The following HNRNPC variants were observed in gnomAD, a reference collection of about 807,000 sequenced individuals.
The protein encoded by HNRNPC is heterogeneous nuclear ribonucleoprotein C.
Under a neutral mutation model 33.2 loss-of-function variants are expected in HNRNPC, and 3 were observed. That is an observed-to-expected ratio of 0.09 (90% CI 0.04 to 0.23). HNRNPC has a LOEUF of 0.23. Ranked by LOEUF, HNRNPC falls within the 10% of genes least tolerant of loss-of-function variation. The probability of loss-of-function intolerance (pLI) is 1.00; values close to 1 mark genes in which losing one functional copy is unlikely to be tolerated. For synonymous variants in HNRNPC, 121 were observed against 126.7 expected (o/e 0.96, Z 0.30); for missense variants, 143 against 366.7 (o/e 0.39, Z 4.98).
chr14:21,248,192 T>C (rs1179933869), intron 2 of HNRNPC, among the ~76,000 whole-genome samples: 1 of 151,914 alleles, frequency 6.6e-6, no homozygotes, highest in Non-Finnish European at 1.5e-5. Flanking sequence ...AAATTAAAAA[T>C]AAAATAACGC....
intron 1 of HNRNPC, among the ~76,000 whole-genome samples, chr14:21,266,350 C>T (rs1457893810): frequency 1.3e-5 from 2 of 152,080 alleles, no homozygotes; most frequent in Non-Finnish European, 2.9e-5. Flanking sequence ...CCACCCGCCT[C>T]AGCCTCCCAA....
At chr14:21,253,803 G>C (rs143335891) in intron 2 of HNRNPC, among the ~76,000 whole-genome samples, 8 of 151,622 alleles carry the variant, frequency 5.3e-5, no homozygotes, top group South Asian at 4.2e-4. Flanking sequence ...CGGTGGCTCA[G>C]GCCTGTAATC....
At chr14:21,266,917 C>T (rs1049739100) in intron 1 of HNRNPC, among the ~76,000 whole-genome samples, 1 of 150,404 alleles carries the variant, frequency 6.6e-6, no homozygotes, top group African/African-American at 2.5e-5. Context: ...ACGGTGAAAC[C>T]CCGTCTCTAC....
intron 2 of HNRNPC, among the ~76,000 whole-genome samples, chr14:21,250,744 C>T (rs1013868578): frequency 2.0e-5 from 3 of 152,132 alleles, no homozygotes; most frequent in Admixed American, 6.5e-5. Context: ...TCTCCACAAA[C>T]ATCAAAAACC....
intron 5 of HNRNPC, among the ~76,000 whole-genome samples, chr14:21,228,016 G>T (rs147574744): frequency 6.6e-6 from 1 of 152,284 alleles, no homozygotes; most frequent in African/African-American, 2.4e-5. Flanking sequence ...AGAAAGCACT[G>T]AAAAATATAC....
At chr14:21,264,501 T>G (rs1566651132) in intron 1 of HNRNPC, 1 of 152,212 alleles carries the variant, frequency 6.6e-6, no homozygotes, top group Admixed American at 6.5e-5. Context: ...ATACTTTTGT[T>G]TCTGTAGTCC....
intron 2 of HNRNPC, chr14:21,254,600 A>C (rs1245885557): frequency 6.6e-6 from 1 of 152,182 alleles, no homozygotes; most frequent in Non-Finnish European, 1.5e-5. Flanking sequence ...ATTCCTTTTC[A>C]AAGGAGTAAT....
intron 2 of HNRNPC, among the ~76,000 whole-genome samples, chr14:21,247,704 C>T (rs1344854197): frequency 6.6e-6 from 1 of 151,628 alleles, no homozygotes. Flanking sequence ...AATCCCAGCA[C>T]TTTGGGAGGT....
chr14:21,260,403 A>G (rs1376044954), intron 2 of HNRNPC, among the ~76,000 whole-genome samples: 1 of 149,942 alleles, frequency 6.7e-6, no homozygotes, highest in Non-Finnish European at 1.5e-5. Context: ...CCTTTATGTG[A>G]TTAAGGTAGA....
chr14:21,217,383 T>C (rs1476261008), intron 5 of HNRNPC, among the ~76,000 whole-genome samples: 1 of 152,196 alleles, frequency 6.6e-6, no homozygotes, highest in Non-Finnish European at 1.5e-5. Flanking sequence ...GCACCACTCA[T>C]TTAAAATATA....
At chr14:21,233,294 CTT>C (rs1894318369) in intron 3 of HNRNPC, among the ~76,000 whole-genome samples, 1 of 152,128 alleles carries the variant, frequency 6.6e-6, no homozygotes, top group Non-Finnish European at 1.5e-5. Flanking sequence ...ACCTACCATG[CTT>C]TGAGTCAATA....
At chr14:21,223,202 T>A (rs1190943013) in intron 5 of HNRNPC, among the ~76,000 whole-genome samples, 1 of 151,958 alleles carries the variant, frequency 6.6e-6, no homozygotes, top group Non-Finnish European at 1.5e-5. Flanking sequence ...TGAGACTCCA[T>A]CTCAAAAAGA....
rs763036820 is a variant in HNRNPC at position 21,211,817 on chromosome 14, T to C, written c.630A>G (p.Lys210=). The change falls in exon 7 of 9, where the codon AAA becomes AAG. Residue 210 remains lysine (K), a synonymous_variant. Coordinates refer to ENST00000553300, the MANE Select transcript of HNRNPC (RefSeq NM_004500.4). ...AGCAGAAAACCCATTTACCTGCTTG[T>C]TTGCTCTGTTCCTTTTCAATTTTTT... ...NLEKIEKEQS[K]QAVEMKNDKS... The C allele has an allele frequency of 2.7e-5, 44 of 1,611,808 alleles. No individual in the cohort carries two copies. The highest frequency in any genetic ancestry group is 3.4e-5 in the Non-Finnish European group (40 of 1,179,470).
chr14:21,214,273 G>C (rs1337325062), intron 5 of HNRNPC, among the ~76,000 whole-genome samples: 3 of 152,162 alleles, frequency 2.0e-5, no homozygotes, highest in African/African-American at 7.2e-5. Context: ...CCTTTGTCAT[G>C]ATTCTCCCTC....
chr14:21,210,340 GAA>G lies in HNRNPC; in HGVS notation c.*881_*882del, dbSNP rs1237561302. On this transcript the variant is annotated 3_prime_UTR_variant, in exon 9 of 9. Transcript: ENST00000553300. ...TTCATTAGGATGTAAAAGCCATTTT[GAA>G]AAAGTCTCCACTCTATGTCAAGTTG... 3 of 152,174 alleles carry G rather than the reference GAA, an allele frequency of 2.0e-5. No homozygotes were observed. The highest frequency in any genetic ancestry group is 4.8e-5 in the African/African-American group (2 of 41,416). 9.4% of individuals were successfully genotyped at this position (152,174 alleles called of 1,614,324 possible). A position where few individuals can be genotyped will look rare whatever the true frequency, so the allele number is the denominator to read the frequency against.
intron 2 of HNRNPC, 60 bp from the exon 3 acceptor site, chr14:21,234,289 A>G (rs1894426239): frequency 6.9e-7 from 1 of 1,445,724 alleles, no homozygotes; most frequent in Admixed American, 2.0e-5. Context: ...TCCTTGATAA[A>G]ACATTCTCCA....
intron 2 of HNRNPC, among the ~76,000 whole-genome samples, chr14:21,260,909 C>T (rs1295238267): frequency 6.7e-6 from 1 of 148,646 alleles, no homozygotes; most frequent in East Asian, 2.0e-4. Context: ...GTTGCAGTGA[C>T]CCAAGATGGC....
intron 5 of HNRNPC, among the ~76,000 whole-genome samples, chr14:21,220,555 T>A (rs1169106711): frequency 1.6e-4 from 25 of 152,120 alleles, no homozygotes; most frequent in Admixed American, 1.2e-3. Context: ...GTATTCCTGC[T>A]ATATACAATG....
chr14:21,217,623 A>G (rs909702494), intron 5 of HNRNPC, among the ~76,000 whole-genome samples: 2 of 152,234 alleles, frequency 1.3e-5, no homozygotes, highest in African/African-American at 4.8e-5. Context: ...AAGAATAGGT[A>G]GCAATAGCTC....
Sources: allele counts gnomAD v4.1 joint callset (sites outside exome capture counted in the v4.1 genomes callset), GRCh38; gene constraint gnomAD v4.1.1; transcripts MANE v1.5; gene names NCBI Gene and HGNC (gene_info 2026-07-23, HGNC 2026-07-21).